MEGF6: variants seen among roughly 807,000 people sequenced by gnomAD.
MEGF6 encodes the protein multiple epidermal growth factor-like domains protein 6.
Under a neutral mutation model 207.1 loss-of-function variants are expected in MEGF6, and 184 were observed. The ratio of observed to expected loss-of-function variants is 0.89; its 90% CI spans 0.79 to 1.00. The LOEUF (loss-of-function observed/expected upper bound fraction) is 1.00. MEGF6 is among the 50% of genes least tolerant of loss of function. MEGF6 has a pLI of 0.00. For synonymous variants in MEGF6, 1,038 were observed against 910.0 expected (o/e 1.14, Z -2.53); for missense variants, 2,282 against 2,202.9 (o/e 1.04, Z -0.72).
intron 2 of MEGF6, among the ~76,000 whole-genome samples, chr1:3,597,443 C>T (rs1392594571): frequency 3.9e-5 from 6 of 152,228 alleles, no homozygotes; most frequent in South Asian, 2.1e-4. Context: ...CCCTGTCTCC[C>T]GCTGCTTGTT....
At chr1:3,586,051 G>C (rs541994563) in intron 3 of MEGF6, among the ~76,000 whole-genome samples, 2 of 150,536 alleles carry the variant, frequency 1.3e-5, no homozygotes, top group Admixed American at 1.3e-4. Context: ...CTGCGTGTGG[G>C]TGTGAGTGTG....
At chr1:3,549,110 G>A (rs559067087) in intron 4 of MEGF6, among the ~76,000 whole-genome samples, 4 of 152,094 alleles carry the variant, frequency 2.6e-5, no homozygotes, top group African/African-American at 7.3e-5. Flanking sequence ...GTGGCTCCGC[G>A]CTGGGTGATC....
At chr1:3,515,644 C>T in intron 5 of MEGF6, 117 bp from the exon 6 acceptor site, 1 of 1,246,742 alleles carries the variant, frequency 8.0e-7, no homozygotes, top group Non-Finnish European at 1.1e-6. Context: ...TAGGACCCCT[C>T]CCAGCCACTC....
intron 4 of MEGF6, among the ~76,000 whole-genome samples, chr1:3,540,534 G>C (rs142560363): frequency 6.6e-6 from 1 of 152,224 alleles, no homozygotes; most frequent in Admixed American, 6.5e-5. Context: ...CTTTCCCTGC[G>C]AGGGCAGCCT....
In MEGF6 at chr1:3,579,900, C is replaced by G; in HGVS notation, c.406G>C (p.Gly136Arg). 1 of 1,537,070 alleles carries G rather than the reference C, an allele frequency of 6.5e-7. No homozygotes were observed. The stretch of plus-strand genomic sequence containing the variant: ...GCTGAGCCTGGCACACAACGGCCAC[C>G]GTGAAAACAGAGGCTGGCGCTGCAT... ...AECSASLCFH[G>R]GRCVPGSAQP... The change falls in exon 4 of 37, where the codon GGT becomes CGT. Residue 136 changes from glycine (G) to arginine (R), a missense_variant. Gly to Arg is a moderately radical substitution (Grantham distance 125). Transcript: ENST00000356575.
At chr1:3,575,655 A>G (rs4648525) in intron 4 of MEGF6, among the ~76,000 whole-genome samples, 13,532 of 151,990 alleles carry the variant, frequency 0.089, 1,029 homozygotes, top group East Asian at 0.41. Context: ...GGCAGCAGGC[A>G]AAGAGAGAGA....
chr1:3,603,673 C>T (rs1644197457), intron 1 of MEGF6, among the ~76,000 whole-genome samples: 1 of 152,010 alleles, frequency 6.6e-6, no homozygotes, highest in Admixed American at 6.5e-5. Flanking sequence ...TGGGTTCCCC[C>T]AGCCTCCTCA....
chr1:3,552,019 G>T (rs1000669607), intron 4 of MEGF6, among the ~76,000 whole-genome samples: 2 of 152,138 alleles, frequency 1.3e-5, no homozygotes, highest in Non-Finnish European at 2.9e-5. Flanking sequence ...CCAAGTCAAC[G>T]TTACCATCAG....
At position 3,573,755 on chromosome 1, in the gene MEGF6, C is replaced by G. The variant is rs575002283; in HGVS notation, c.481+6070G>C. On this transcript the variant is annotated intron_variant, in intron 4 of 36. Transcript: ENST00000356575. This position sits in a 1 kb window ranked among gnomAD's most constrained non-coding sequence, Gnocchi z 5.1. ...TGGCAGCGGCAGCTCCCAGGCCTGG[C>G]CGTGGCTGGTCGCCAAGAGCAGCCC... Among the ~76,000 whole-genome samples the G allele has an allele frequency of 1.8e-4, 28 of 152,316 alleles. No homozygotes were observed. Among genetic ancestry groups the G allele is most frequent in the South Asian group, 4.1e-4 (2 of 4,824 alleles).
chr1:3,534,607 T>C (rs1379163668), intron 4 of MEGF6, among the ~76,000 whole-genome samples: 1 of 152,184 alleles, frequency 6.6e-6, no homozygotes, highest in Non-Finnish European at 1.5e-5. Flanking sequence ...TCTGGAGGCC[T>C]GACCATGCCC....
the MEGF6 span, among the ~76,000 whole-genome samples, chr1:3,616,529 C>T: frequency 1.3e-5 from 2 of 152,126 alleles, no homozygotes; most frequent in Non-Finnish European, 2.9e-5. Context: ...CAACACCCAG[C>T]ACGTGCAGGT....
At chr1:3,491,058 T>A in intron 35 of MEGF6, 99 bp from the exon 36 acceptor site, 1 of 995,348 alleles carries the variant, frequency 1.0e-6, no homozygotes, top group Non-Finnish European at 1.4e-6. Context: ...TTCAGGGACC[T>A]CCACTTCCCC....
Position 3,524,248 on chromosome 1 carries a change from T to C in MEGF6, c.482-2A>G. 2 of 1,608,052 alleles carry C rather than the reference T, an allele frequency of 1.2e-6. No individual in the cohort carries two copies. Among genetic ancestry groups the C allele is most frequent in the Non-Finnish European group, 8.5e-7 (1 of 1,175,876 alleles). ...TGTGGGTTCGGCATTCGTCCACATC[T>C]GAGCAGGAATGGGGAAGGATCAGCA... On this transcript the variant is annotated splice_acceptor_variant, in intron 4 of 36. Coordinates refer to ENST00000356575, the MANE Select transcript of MEGF6 (RefSeq NM_001409.4). LOFTEE classifies it high-confidence loss of function.
intron 4 of MEGF6, among the ~76,000 whole-genome samples, chr1:3,549,542 G>T (rs538342319): frequency 6.6e-6 from 1 of 152,202 alleles, no homozygotes; most frequent in Non-Finnish European, 1.5e-5. Context: ...GGTCATGCTC[G>T]GGTCTGGGCT....
At chr1:3,520,884 T>G (rs925474284) in intron 5 of MEGF6, among the ~76,000 whole-genome samples, 1 of 152,118 alleles carries the variant, frequency 6.6e-6, no homozygotes, top group African/African-American at 2.4e-5. Flanking sequence ...CCCCCTCAGG[T>G]GCAGCCTCCT....
intron 3 of MEGF6, among the ~76,000 whole-genome samples, chr1:3,585,784 T>C (rs1643885123): frequency 7.2e-6 from 1 of 138,950 alleles, no homozygotes; most frequent in Non-Finnish European, 1.5e-5. Flanking sequence ...TTGTCCTGTG[T>C]GTGGGTGTGA....
At chr1:3,514,827 G>A (rs1641481591) in intron 6 of MEGF6, among the ~76,000 whole-genome samples, 155 bp from the exon 7 acceptor site, 1 of 152,176 alleles carries the variant, frequency 6.6e-6, no homozygotes, top group African/African-American at 2.4e-5. Flanking sequence ...CCTCCTCCCA[G>A]GTGCGGGAAG....
intron 4 of MEGF6, among the ~76,000 whole-genome samples, chr1:3,570,634 C>A (rs929280356): frequency 6.6e-6 from 1 of 152,210 alleles, no homozygotes; most frequent in African/African-American, 2.4e-5. Context: ...AGCAGACAAC[C>A]ACTGCACCAC....
chr1:3,567,336 C>A (rs571759299), intron 4 of MEGF6, among the ~76,000 whole-genome samples: 44 of 152,368 alleles, frequency 2.9e-4, no homozygotes, highest in African/African-American at 1.0e-3. Flanking sequence ...GGCCCAGGCC[C>A]TGCCTCCTCG....
Sources: allele counts gnomAD v4.1 joint callset (sites outside exome capture counted in the v4.1 genomes callset), GRCh38; gene constraint gnomAD v4.1.1; non-coding constraint Gnocchi (gnomAD v3.1); transcripts MANE v1.5; gene names NCBI Gene and HGNC (gene_info 2026-07-23, HGNC 2026-07-21).